Variants in DRG1 observed in about 807,000 individuals in gnomAD.
DRG1 encodes the protein developmentally regulated GTP binding protein 1.
Under a neutral mutation model 38.8 loss-of-function variants are expected in DRG1, and 19 were observed. The observed-to-expected ratio is 0.49, with a 90% CI of 0.34 to 0.72. The LOEUF is 0.72. Ranked by LOEUF, DRG1 falls within the 30% of genes least tolerant of loss-of-function variation. DRG1 has a pLI of 0.01. For synonymous variants in DRG1, 167 were observed against 157.5 expected, an observed-to-expected ratio of 1.06 and a Z score of -0.45; for missense variants, 299 against 444.8, an observed-to-expected ratio of 0.67 and a Z score of 2.95.
In DRG1 at chr22:31,427,048, T is replaced by C. The variant is rs746447155; in HGVS notation, c.882-12T>C. The C allele has an allele frequency of 3.1e-6, 5 of 1,613,418 alleles. No homozygotes were observed. Among genetic ancestry groups the C allele is most frequent in the East Asian group, 4.5e-5 (2 of 44,888 alleles). ...TAAGAAGGCAGTAATCTTTATGCCC[T>C]CTCTATTCTAGTTACACCAAACCCA... On this transcript the variant is annotated splice_polypyrimidine_tract_variant and intron_variant, in intron 7 of 8. Coordinates refer to ENST00000331457, the MANE Select transcript of DRG1 (RefSeq NM_004147.4).
chr22:31,418,417 G>A (rs140520342), intron 4 of DRG1, among the ~76,000 whole-genome samples: 1 of 151,778 alleles, frequency 6.6e-6, no homozygotes, highest in South Asian at 2.1e-4. Flanking sequence ...ATGATCATGC[G>A]ACTGCACTCC....
intron 4 of DRG1, among the ~76,000 whole-genome samples, chr22:31,412,243 G>A (rs2050022069): frequency 1.3e-5 from 2 of 151,194 alleles, no homozygotes; most frequent in Admixed American, 6.6e-5. Context: ...GCAGTGAGCT[G>A]AGATCGTGCC....
At chr22:31,399,899 C>A (rs1455558793) in intron 1 of DRG1, among the ~76,000 whole-genome samples, 174 bp downstream of exon 1, 1 of 152,138 alleles carries the variant, frequency 6.6e-6, no homozygotes, top group African/African-American at 2.4e-5. Context: ...CCCGACTCTC[C>A]TCAGTCAGGG....
chr22:31,407,847 G>A (rs923923384), intron 3 of DRG1, among the ~76,000 whole-genome samples: 3 of 151,628 alleles, frequency 2.0e-5, no homozygotes, highest in East Asian at 2.0e-4. Flanking sequence ...TTGGTCAGGC[G>A]TGGTGGTTCA....
chr22:31,420,744 A>C (rs1202488935), intron 5 of DRG1, among the ~76,000 whole-genome samples: 1 of 152,174 alleles, frequency 6.6e-6, no homozygotes, highest in Non-Finnish European at 1.5e-5. Flanking sequence ...AAATTTATAG[A>C]GTGCCTACCA....
chr22:31,430,313 C>T (rs774355142), intron 8 of DRG1, among the ~76,000 whole-genome samples: 1 of 152,142 alleles, frequency 6.6e-6, no homozygotes, highest in Non-Finnish European at 1.5e-5. Flanking sequence ...TCCTTCCTCA[C>T]TATCCATCAT....
Position 31,434,009 on chromosome 22 carries a change from C to T in DRG1, c.*38C>T. The T allele has an allele frequency of 6.3e-7, 1 of 1,582,244 alleles. No individual in the cohort carries two copies. The highest frequency in any genetic ancestry group is 8.7e-7 in the Non-Finnish European group (1 of 1,153,150). On this transcript the variant is annotated 3_prime_UTR_variant, in exon 9 of 9. Transcript: ENST00000331457. ...TTCCCATCTGCCGGACGAACCACAA[C>T]AGCGTTCCCCATGATCAAGCACCCT...
At position 31,403,121 on chromosome 22, in the gene DRG1, G is replaced by A; in HGVS notation, c.259G>A (p.Val87Ile). Residue 87 changes from valine to isoleucine, a missense_variant, in exon 3 of 9, where the codon GTA (valine) becomes ATA (isoleucine). Physicochemically the swap from Val to Ile is conservative, Grantham distance 29 (BLOSUM62 3). Around this residue, in one of 3 missense-constraint regions of DRG1, gnomAD observed 50 missense variants for 120.6 expected, o/e 0.41. Coordinates refer to ENST00000331457, the MANE Select transcript of DRG1 (RefSeq NM_004147.4). ...KSTLLSNLAGVYSEVAAYEFT... is the reference protein window; with the variant it reads ...KSTLLSNLAGIYSEVAAYEFT... ...AACACTGCTTAGTAACCTGGCAGGG[G>A]TATATTCTGAGGTGGCAGCCTATGA... 1 of 1,614,120 alleles carries A rather than the reference G, an allele frequency of 6.2e-7. No individual in the cohort carries two copies. The highest frequency in any genetic ancestry group is 8.5e-7 in the Non-Finnish European group (1 of 1,180,028).
chr22:31,419,164 A>G (rs902712108), intron 4 of DRG1, among the ~76,000 whole-genome samples: 2 of 152,026 alleles, frequency 1.3e-5, no homozygotes, highest in Non-Finnish European at 2.9e-5. Flanking sequence ...AAGGCCAGAT[A>G]CTGTGACTCA....
At chr22:31,426,356 A>G (rs1053506337) in intron 6 of DRG1, among the ~76,000 whole-genome samples, 9 of 152,348 alleles carry the variant, frequency 5.9e-5, no homozygotes, top group Non-Finnish European at 1.3e-4. Context: ...CAGTCTGAGC[A>G]CTTCAAAGCT....
intron 4 of DRG1, among the ~76,000 whole-genome samples, chr22:31,417,766 G>A (rs960208264): frequency 5.3e-5 from 8 of 151,476 alleles, no homozygotes; most frequent in South Asian, 2.1e-4. Context: ...TGAGGCGAGC[G>A]GATCACCTGA....
intron 3 of DRG1, among the ~76,000 whole-genome samples, chr22:31,404,625 G>GTT (rs1242292741): frequency 6.6e-6 from 1 of 151,056 alleles, no homozygotes; most frequent in Non-Finnish European, 1.5e-5. Flanking sequence ...ATGTTTTTTT[G>GTT]TTTTGTTTTG....
At chr22:31,426,403 T>G (rs1487731764) in intron 6 of DRG1, 1 of 460,468 alleles carries the variant, frequency 2.2e-6, no homozygotes. Context: ...TCCTAGCAGT[T>G]AGCTTTGTGG....
chr22:31,408,268 G>A (rs1173847207), intron 3 of DRG1, among the ~76,000 whole-genome samples: 1 of 138,508 alleles, frequency 7.2e-6, no homozygotes, highest in Non-Finnish European at 1.6e-5. Context: ...CCTCCTGAGG[G>A]AGCTGGGATT....
rs2049999406 is a variant in DRG1, at chr22:31,408,131, CTTCT to C, written c.343-2878_343-2875del. 4.8e-5 allele frequency among the ~76,000 whole-genome samples: 5 copies of C among 103,852 alleles called. No homozygotes were observed. The South Asian group carries it at 1.1e-3, about 23-fold the overall frequency. The allele number at this position is 103,852 out of a possible 152,430, so 68.1% of individuals were successfully genotyped here. On this transcript the variant is annotated intron_variant, in intron 3 of 8. Coordinates refer to ENST00000331457, the MANE Select transcript of DRG1 (RefSeq NM_004147.4). ...ATGGAGCGAGACTCCCCTTTTTTTCCTTCTTTTTTTTTTTTTTTTTTTTTTGAGA... is the reference window on the plus strand; with the variant it reads ...ATGGAGCGAGACTCCCCTTTTTTTCCTTTTTTTTTTTTTTTTTTTTTGAGA...
intron 8 of DRG1, among the ~76,000 whole-genome samples, chr22:31,433,516 A>C (rs764391065): frequency 6.6e-6 from 1 of 151,894 alleles, no homozygotes; most frequent in South Asian, 2.1e-4. Flanking sequence ...GGTGATCCGC[A>C]CCCTTCGGCC....
intron 4 of DRG1, among the ~76,000 whole-genome samples, chr22:31,417,987 C>CA (rs955142490): frequency 2.2e-3 from 219 of 98,504 alleles, no homozygotes; most frequent in Middle Eastern, 7.6e-3. Context: ...AACTCCATCT[C>CA]AAAAAAAAAA....
intron 6 of DRG1, among the ~76,000 whole-genome samples, chr22:31,424,488 CTTTTTTTTTTTTTT>C (rs398036881): frequency 7.0e-5 from 5 of 71,398 alleles, no homozygotes; most frequent in African/African-American, 1.2e-4. Flanking sequence ...GCTTTGGTTT[CTTTTTTTTTTTTTT>C]TTTTTTTTTT....
intron 6 of DRG1, among the ~76,000 whole-genome samples, chr22:31,426,190 A>G (rs1468668289): frequency 2.0e-5 from 3 of 152,304 alleles, no homozygotes; most frequent in Middle Eastern, 3.4e-3. Flanking sequence ...TGCTTCCAGG[A>G]CCCCTTGCAG....
Sources: gnomAD v4.1 joint callset for allele counts (sites outside exome capture counted in the v4.1 genomes callset) on GRCh38, gnomAD v4.1.1 for gene constraint, gnomAD v4.1.1 regional missense constraint, MANE v1.5 for transcripts, NCBI Gene and HGNC (gene_info 2026-07-23, HGNC 2026-07-21) for gene names.